CDIN1: variants seen among roughly 807,000 people sequenced by gnomAD.
CDIN1 encodes the protein CDAN1-interacting nuclease 1.
CDIN1 carries 33 observed loss-of-function variants against 45.3 expected under a neutral mutation model. The ratio of observed to expected loss-of-function variants is 0.73; its 90% confidence interval spans 0.55 to 0.97. The LOEUF is 0.97. CDIN1 is among the 50% of genes least tolerant of loss of function. The pLI is 0.00. For missense variants in CDIN1, 303 were observed against 339.4 expected (o/e 0.89, Z 0.84); for synonymous variants, 118 against 124.4 (o/e 0.95, Z 0.34).
chr15:36,779,057 A>G (rs1382022023), intron 10 of CDIN1, among the ~76,000 whole-genome samples: 1 of 152,172 alleles, frequency 6.6e-6, no homozygotes, highest in Non-Finnish European at 1.5e-5. Flanking sequence ...GCCAGTCTTG[A>G]TGGACTACAA....
At chr15:36,626,387 T>TAAA (rs34442047) in intron 1 of CDIN1, among the ~76,000 whole-genome samples, 1,785 of 143,542 alleles carry the variant, frequency 0.012, 31 homozygotes, top group African/African-American at 0.043. Flanking sequence ...ATCCATTTCT[T>TAAA]AAAAAAAAAA....
chr15:36,616,464 T>C (rs1237292215), intron 1 of CDIN1, among the ~76,000 whole-genome samples: 2 of 152,032 alleles, frequency 1.3e-5, no homozygotes, highest in Non-Finnish European at 2.9e-5. Context: ...GTATTTTTAG[T>C]AGAGACGGAG....
intron 1 of CDIN1, among the ~76,000 whole-genome samples, chr15:36,589,616 C>T (rs2037474526): frequency 6.6e-6 from 1 of 152,100 alleles, no homozygotes. Flanking sequence ...CGCCATTCTC[C>T]TGCCTCAGCC....
At chr15:36,779,932 G>A (rs141429819) in intron 10 of CDIN1, among the ~76,000 whole-genome samples, 6 of 152,256 alleles carry the variant, frequency 3.9e-5, no homozygotes, top group African/African-American at 1.2e-4. Context: ...AGCCAGTCTC[G>A]TTTATGATGT....
At chr15:36,619,507 C>G (rs2039060197) in intron 1 of CDIN1, among the ~76,000 whole-genome samples, 1 of 151,696 alleles carries the variant, frequency 6.6e-6, no homozygotes, top group African/African-American at 2.4e-5. Context: ...ATCTATCTAT[C>G]TATCTATCTA....
At chr15:36,756,009 A>G (rs575501412) in intron 10 of CDIN1, 3 of 452,914 alleles carry the variant, frequency 6.6e-6, no homozygotes, top group African/African-American at 6.0e-5. Context: ...GGTCTTTATC[A>G]CCTCTGTGCT....
chr15:36,643,757 A>T (rs1423481216), intron 1 of CDIN1, among the ~76,000 whole-genome samples: 1 of 152,178 alleles, frequency 6.6e-6, no homozygotes, highest in Non-Finnish European at 1.5e-5. Context: ...TTTTCATAGC[A>T]CGCCAGTATC....
rs149272964 is a variant in CDIN1 at position 36,775,006 on chromosome 15, A to G, written c.717-33318A>G. Among the ~76,000 whole-genome samples, 44 of 152,304 alleles carry G rather than the reference A, an allele frequency of 2.9e-4. No homozygotes were observed. In the East Asian group the frequency reaches 8.5e-3, roughly 29 times the overall value. On this transcript the variant is annotated intron_variant, in intron 10 of 10. Transcript: ENST00000566621. ...TTACTTTTTATTGTATTTAGCTTGT[A>G]ATTCAAACCACTTTCTAATTAATTT...
chr15:36,653,873 A>G (rs913009672), intron 3 of CDIN1, among the ~76,000 whole-genome samples: 2 of 152,190 alleles, frequency 1.3e-5, no homozygotes, highest in Non-Finnish European at 2.9e-5. Context: ...CTAAGTATTT[A>G]CACCTTCTGC....
intron 5 of CDIN1, among the ~76,000 whole-genome samples, chr15:36,661,640 A>G (rs1299145042): frequency 3.3e-5 from 5 of 152,180 alleles, no homozygotes; most frequent in African/African-American, 1.2e-4. Context: ...TAACTTTTAC[A>G]AGAATGCTAG....
intron 10 of CDIN1, chr15:36,799,110 C>T (rs1296286936): frequency 7.2e-5 from 11 of 152,208 alleles, no homozygotes; most frequent in Non-Finnish European, 1.6e-4. Context: ...TAATAATTCA[C>T]ACGACCAATT....
At chr15:36,745,653 A>T (rs2044394204) in intron 10 of CDIN1, among the ~76,000 whole-genome samples, 1 of 152,170 alleles carries the variant, frequency 6.6e-6, no homozygotes, top group Non-Finnish European at 1.5e-5. Context: ...CATATCAGTT[A>T]AACTAACTCA....
chr15:36,708,188 A>C (rs1430615288), intron 8 of CDIN1: 3 of 152,168 alleles, frequency 2.0e-5, no homozygotes, highest in African/African-American at 7.2e-5. Context: ...GCTACCCAAC[A>C]CTGGGAATGG....
intron 10 of CDIN1, among the ~76,000 whole-genome samples, chr15:36,752,002 G>A (rs1456944539): frequency 1.3e-5 from 2 of 152,170 alleles, no homozygotes; most frequent in African/African-American, 2.4e-5. Flanking sequence ...CCTGTTGGGG[G>A]TGCAGGGGAG....
At chr15:36,799,199 G>C (rs1261698883) in intron 10 of CDIN1, 1 of 151,012 alleles carries the variant, frequency 6.6e-6, no homozygotes, top group Admixed American at 6.7e-5. Flanking sequence ...TTTGCACCCA[G>C]TGTCCACATG....
chr15:36,689,805 C>G (rs2042179140), intron 5 of CDIN1, among the ~76,000 whole-genome samples: 1 of 152,074 alleles, frequency 6.6e-6, no homozygotes, highest in South Asian at 2.1e-4. Flanking sequence ...TGAGTCCAAC[C>G]CTATGGTTTG....
At chr15:36,687,908 CA>C (rs965031338) in intron 5 of CDIN1, among the ~76,000 whole-genome samples, 3 of 151,932 alleles carry the variant, frequency 2.0e-5, no homozygotes, top group African/African-American at 7.3e-5. Context: ...AAATTAGAAA[CA>C]GCAGAAATCC....
chr15:36,616,930 A>T lies in CDIN1; in HGVS notation c.102-27348A>T, dbSNP rs544668030. On this transcript the variant is annotated intron_variant, in intron 1 of 10. Coordinates refer to ENST00000566621, the MANE Select transcript of CDIN1 (RefSeq NM_001321759.2). The stretch of plus-strand genomic sequence containing the variant: ...ACACAGCAAGACTTAGTGTCAAAAA[A>T]ATATATATATATATAATGCAAATAA... Among the ~76,000 whole-genome samples the T allele has an allele frequency of 8.9e-4, 134 of 151,396 alleles. No individual in the cohort carries two copies. In the East Asian group the frequency reaches 0.016, roughly 18 times the overall value.
At chr15:36,724,323 G>A (rs1002541242) in intron 10 of CDIN1, among the ~76,000 whole-genome samples, 1 of 152,182 alleles carries the variant, frequency 6.6e-6, no homozygotes, top group African/African-American at 2.4e-5. Context: ...GGACCGTATA[G>A]ACTTGTAGAG....
Sources: gnomAD v4.1 joint callset for allele counts (sites outside exome capture counted in the v4.1 genomes callset) on GRCh38, gnomAD v4.1.1 for gene constraint, MANE v1.5 for transcripts, NCBI Gene and HGNC (gene_info 2026-07-23, HGNC 2026-07-21) for gene names.